The following IGHMBP2 variants were observed in gnomAD, a reference collection of about 807,000 sequenced individuals.
IGHMBP2 encodes the protein immunoglobulin mu DNA binding protein 2.
In IGHMBP2, 81 loss-of-function variants were observed where a neutral mutation model predicts 96.0. That is an observed-to-expected ratio of 0.84 (90% CI 0.71 to 1.01). The LOEUF (loss-of-function observed/expected upper bound fraction) is 1.01, where lower values mean the gene tolerates loss of function less well. IGHMBP2 is among the 50% of genes least tolerant of loss of function. IGHMBP2 has a pLI of 0.00. For synonymous variants in IGHMBP2, 557 were observed against 548.9 expected (o/e 1.01, Z -0.21); for missense variants, 1,227 against 1,306.3 (o/e 0.94, Z 0.94).
intron 8 of IGHMBP2, chr11:68,930,383 C>T: frequency 7.8e-7 from 1 of 1,289,742 alleles, no homozygotes; most frequent in Non-Finnish European, 1.0e-6. Flanking sequence ...TGCAAGAAAT[C>T]CTGTCGAGTA....
intron 11 of IGHMBP2, among the ~76,000 whole-genome samples, 186 bp from the exon 12 acceptor site, chr11:68,935,113 G>A (rs1490166968): frequency 6.6e-6 from 1 of 152,240 alleles, no homozygotes; most frequent in Non-Finnish European, 1.5e-5. Flanking sequence ...ACAGGGTGTG[G>A]TATTGGCGTG....
intron 13 of IGHMBP2, chr11:68,937,725 A>C (rs951336798): frequency 4.4e-6 from 1 of 228,702 alleles, no homozygotes. Context: ...CAGCAAGAGC[A>C]TGCAGGAGTT....
At chr11:68,928,077 C>T (rs1859139988) in intron 7 of IGHMBP2, among the ~76,000 whole-genome samples, 1 of 152,216 alleles carries the variant, frequency 6.6e-6, no homozygotes, top group South Asian at 2.1e-4. Context: ...TGTCTTGTTG[C>T]TTTCGTGGAG....
intron 7 of IGHMBP2, among the ~76,000 whole-genome samples, chr11:68,927,737 C>T (rs1859127578): frequency 6.6e-6 from 1 of 152,228 alleles, no homozygotes; most frequent in Admixed American, 6.5e-5. Flanking sequence ...GTTTGTATTA[C>T]ATGAGCTCAG....
chr11:68,933,886 G>C lies in IGHMBP2; in HGVS notation c.1510G>C (p.Glu504Gln), dbSNP rs756493997. Residue 504 changes from glutamate to glutamine, a missense_variant, in exon 10 of 15, where the codon GAG (glutamate) becomes CAG (glutamine). Glu to Gln is a conservative substitution (Grantham distance 29). Transcript: ENST00000255078. ...CTGCGGGCTGTTTGAGCTGGAGGAG[G>C]AGGACGAACAGTCGAAAGGGAACCC... ...AGCGLFELEEEDEQSKGNPGE... is the reference protein window; with the variant it reads ...AGCGLFELEEQDEQSKGNPGE... 6.2e-7 allele frequency: 1 copy of C among 1,600,626 alleles called. No homozygotes were observed. Among genetic ancestry groups the C allele is most frequent in the Non-Finnish European group, 8.5e-7 (1 of 1,173,028 alleles).
At chr11:68,928,567 G>A (rs187441926) in intron 7 of IGHMBP2, among the ~76,000 whole-genome samples, 114 of 152,300 alleles carry the variant, frequency 7.5e-4, no homozygotes, top group Non-Finnish European at 1.3e-3. Context: ...TCCCTTTGTG[G>A]TGCAATCTCA....
intron 10 of IGHMBP2, chr11:68,934,195 C>T (rs1187240304): frequency 4.9e-6 from 3 of 613,716 alleles, no homozygotes; most frequent in African/African-American, 1.8e-5. Context: ...TGTCATTGCT[C>T]AGCTGACACC....
intron 5 of IGHMBP2, among the ~76,000 whole-genome samples, chr11:68,914,015 A>T (rs76333888): frequency 0.035 from 5,375 of 152,286 alleles, 320 homozygotes; most frequent in African/African-American, 0.12. Flanking sequence ...CTAGGGGTTT[A>T]TATAACAGGG....
Position 68,939,945 on chromosome 11 carries a change from C to T in IGHMBP2, c.*214C>T. ...GGAAAGCACCTGGGGGACAACAGTG[C>T]TCGTGCAGGTGGGGCTTGGGAAATG... is the stretch of plus-strand genomic sequence containing the variant. On this transcript the variant is annotated 3_prime_UTR_variant, in exon 15 of 15. Transcript: ENST00000255078. 6.7e-6 allele frequency: 4 copies of T among 595,124 alleles called. No individual in the cohort carries two copies. In the South Asian group the frequency reaches 8.2e-5, roughly 12 times the overall value. 36.9% of individuals were successfully genotyped at this position (595,124 alleles called of 1,614,324 possible).
chr11:68,931,793 C>T (rs1353824128), intron 8 of IGHMBP2, among the ~76,000 whole-genome samples: 1 of 152,232 alleles, frequency 6.6e-6, no homozygotes, highest in Non-Finnish European at 1.5e-5. Context: ...AGGAGGTCTT[C>T]ATCCTCTGGA....
intron 1 of IGHMBP2, among the ~76,000 whole-genome samples, chr11:68,904,283 C>A (rs568519476): frequency 5.3e-5 from 8 of 152,194 alleles, no homozygotes; most frequent in African/African-American, 1.9e-4. Flanking sequence ...CGAGACCCCC[C>A]ACTAAGCTTA....
At chr11:68,904,803 C>CTTTTCTTT (rs892709461) in intron 1 of IGHMBP2, among the ~76,000 whole-genome samples, 1 of 120,996 alleles carries the variant, frequency 8.3e-6, no homozygotes, top group Non-Finnish European at 1.7e-5. Context: ...TTTTCTTTTT[C>CTTTTCTTT]TTTTTTTTTT....
At chr11:68,933,711 C>A (rs139223517) in intron 9 of IGHMBP2, 84 bp from the exon 10 acceptor site, 1 of 1,172,014 alleles carries the variant, frequency 8.5e-7, no homozygotes, top group East Asian at 2.4e-5. Context: ...GCCTTTTCCT[C>A]GTGGGAGGGG....
chr11:68,915,567 C>T (rs1858629888), intron 6 of IGHMBP2, among the ~76,000 whole-genome samples: 1 of 151,874 alleles, frequency 6.6e-6, no homozygotes, highest in African/African-American at 2.4e-5. Flanking sequence ...ACTGCAGGCT[C>T]CGCCTCCCGG....
intron 9 of IGHMBP2, 156 bp from the exon 10 acceptor site, chr11:68,933,639 T>A: frequency 9.3e-7 from 1 of 1,070,872 alleles, no homozygotes; most frequent in Non-Finnish European, 1.4e-6. Flanking sequence ...CCTGGAGAGC[T>A]GGGTCAGGCC....
intron 7 of IGHMBP2, among the ~76,000 whole-genome samples, chr11:68,919,199 G>A (rs997238734): frequency 6.0e-5 from 8 of 133,640 alleles, no homozygotes; most frequent in East Asian, 2.6e-4. Flanking sequence ...CCCCGTCCCC[G>A]TCCCCGTCCT....
chr11:68,937,984 C>T (rs1003804878), intron 13 of IGHMBP2, 198 bp from the exon 14 acceptor site: 84 of 630,458 alleles, frequency 1.3e-4, no homozygotes, highest in Non-Finnish European at 2.3e-4. Context: ...TTAATAGAGA[C>T]GGGGTCTCAC....
intron 9 of IGHMBP2, 24 bp downstream of exon 9, chr11:68,933,505 C>T (rs747440487): frequency 1.3e-5 from 21 of 1,602,840 alleles, no homozygotes; most frequent in South Asian, 2.2e-5. Flanking sequence ...CACCACCCGC[C>T]GCCCCATCCT....
At chr11:68,937,535 C>T (rs1281635073) in intron 13 of IGHMBP2, among the ~76,000 whole-genome samples, 3 of 152,258 alleles carry the variant, frequency 2.0e-5, no homozygotes, top group African/African-American at 7.2e-5. Flanking sequence ...GCTGGCTGAG[C>T]GCAAAACCAT....
Sources: gnomAD v4.1 joint callset for allele counts (sites outside exome capture counted in the v4.1 genomes callset) on GRCh38, gnomAD v4.1.1 for gene constraint, MANE v1.5 for transcripts, NCBI Gene and HGNC (gene_info 2026-07-23, HGNC 2026-07-21) for gene names.